PANK3: variants seen among roughly 807,000 people sequenced by gnomAD.
The protein encoded by PANK3 is hPanK3.
Under a neutral mutation model 39.4 loss-of-function variants are expected in PANK3, and 20 were observed. The ratio of observed to expected loss-of-function variants is 0.51; its 90% CI spans 0.36 to 0.74. The LOEUF (loss-of-function observed/expected upper bound fraction) is 0.74, where lower values mean the gene tolerates loss of function less well. Ranked by LOEUF, PANK3 falls within the 30% of genes least tolerant of loss-of-function variation. PANK3 has a pLI of 0.00. For missense variants in PANK3, 265 were observed against 437.0 expected (o/e 0.61, Z 3.51); for synonymous variants, 140 against 157.3 (o/e 0.89, Z 0.82).
chr5:168,571,943 A>G (rs1441304862), intron 1 of PANK3, among the ~76,000 whole-genome samples: 1 of 152,164 alleles, frequency 6.6e-6, no homozygotes, highest in Non-Finnish European at 1.5e-5. Context: ...AGTTTTTTAA[A>G]AAAGTAAAAT....
intron 1 of PANK3, among the ~76,000 whole-genome samples, chr5:168,573,959 A>C (rs1228048791): frequency 9.9e-5 from 15 of 152,090 alleles, no homozygotes; most frequent in Non-Finnish European, 1.9e-4. Context: ...GCTACTGTGA[A>C]TAATGCTGCA....
chr5:168,563,756 T>C, intron 4 of PANK3, 133 bp downstream of exon 4: 1 of 661,212 alleles, frequency 1.5e-6, no homozygotes, highest in Non-Finnish European at 2.3e-6. Context: ...ATGACATCAA[T>C]GTTCAAAACT....
Position 168,553,838 on chromosome 5 carries a change from A to T in PANK3, c.*3733T>A, listed in dbSNP as rs1759309952. 6.6e-6 allele frequency: 1 copy of T among 152,474 alleles called. No individual in the cohort carries two copies. The highest frequency in any genetic ancestry group is 1.5e-5 in the Non-Finnish European group (1 of 68,262). The allele number at this position is 152,474 out of a possible 1,614,324, so 9.4% of individuals were successfully genotyped here. A position where few individuals can be genotyped will look rare whatever the true frequency, so the allele number is the denominator to read the frequency against. ...TCACTCATCATTACAGCATCTCTGC[A>T]TTCTTGCTTTACCACATTTATCTCA... On this transcript the variant is annotated 3_prime_UTR_variant, in exon 7 of 7. Coordinates refer to ENST00000239231, the MANE Select transcript of PANK3 (RefSeq NM_024594.4).
chr5:168,572,480 G>A (rs1032563981), intron 1 of PANK3, among the ~76,000 whole-genome samples: 5 of 151,798 alleles, frequency 3.3e-5, no homozygotes, highest in Admixed American at 3.3e-4. Context: ...GTGGAGTTAG[G>A]AGCAATGTTT....
Position 168,557,561 on chromosome 5 carries a change from A to G in PANK3, c.*10T>C, listed in dbSNP as rs1759368541. 2 of 1,611,582 alleles carry G rather than the reference A, an allele frequency of 1.2e-6. No homozygotes were observed. Among genetic ancestry groups the G allele is most frequent in the Non-Finnish European group, 8.5e-7 (1 of 1,177,826 alleles). On this transcript the variant is annotated 3_prime_UTR_variant, in exon 7 of 7. Transcript: ENST00000239231. ...ATGACATTTATTAGCAGAGAGAGAGACCTGATGCTTTAGCTGAAATTTGGC... is the reference window on the plus strand; with the variant it reads ...ATGACATTTATTAGCAGAGAGAGAGGCCTGATGCTTTAGCTGAAATTTGGC...
intron 4 of PANK3, 66 bp from the exon 5 acceptor site, chr5:168,561,582 T>C (rs1759449248): frequency 7.4e-6 from 10 of 1,345,074 alleles, no homozygotes; most frequent in Non-Finnish European, 9.9e-6. Flanking sequence ...TATTAACAGA[T>C]ATATCTACAA....
chr5:168,559,009 CA>C (rs751702007), intron 6 of PANK3, 22 bp downstream of exon 6: 6 of 1,592,772 alleles, frequency 3.8e-6, no homozygotes, highest in Non-Finnish European at 5.1e-6. Context: ...TTAAAATTCA[CA>C]AAAAACATTT....
At chr5:168,567,024 G>A (rs1443595686) in intron 2 of PANK3, among the ~76,000 whole-genome samples, 2 of 152,178 alleles carry the variant, frequency 1.3e-5, no homozygotes, top group African/African-American at 2.4e-5. Context: ...AATTACAGGC[G>A]TGAGCCACTG....
rs1289705438 is a variant in PANK3, at chr5:168,566,122, G to A, written c.526C>T (p.Pro176Ser). ...ASEPERCQKMPFNLDDPYPLL... is the reference protein window; with the variant it reads ...ASEPERCQKMSFNLDDPYPLL... ...GGATAGGGATCATCCAGGTTAAAAG[G>A]CATCTTTTGGCATCGCTCAGGTTCT... Residue 176 changes from proline (P) to serine (S), a missense_variant, in exon 3 of 7, where the codon CCT becomes TCT. By Grantham distance (74) the Pro-to-Ser change is moderately conservative. Coordinates refer to ENST00000239231, the MANE Select transcript of PANK3 (RefSeq NM_024594.4). 7 of 1,613,620 alleles carry A rather than the reference G, an allele frequency of 4.3e-6. No individual in the cohort carries two copies. In the South Asian group the frequency reaches 6.6e-5, roughly 15 times the overall value.
chr5:168,563,953 C>T lies in PANK3; in HGVS notation c.748G>A (p.Val250Ile), dbSNP rs758897115. ...TAATCTCCTCCATAAATATCACGGA[C>T]CAGCTTGTCAGCTTGTGTGCTATCA... is the stretch of plus-strand genomic sequence containing the variant. ...KGDSTQADKL[V>I]RDIYGGDYER... Residue 250 changes from valine to isoleucine, a missense_variant, in exon 4 of 7, where the codon GTC becomes ATC. Val to Ile is a conservative substitution (Grantham distance 29, BLOSUM62 3). Around this residue, in one of 3 missense-constraint regions of PANK3, gnomAD observed 110 missense variants for 161.2 expected, o/e 0.68. Coordinates refer to ENST00000239231, the MANE Select transcript of PANK3 (RefSeq NM_024594.4). The T allele has an allele frequency of 1.2e-6, 2 of 1,613,010 alleles. No homozygotes were observed. Among genetic ancestry groups the T allele is most frequent in the Admixed American group, 3.3e-5 (2 of 59,828 alleles).
In PANK3 at chr5:168,556,002, C is replaced by T. The variant is rs1242956850; in HGVS notation, c.*1569G>A. 1 of 152,218 alleles carries T rather than the reference C, an allele frequency of 6.6e-6. No individual in the cohort carries two copies. The highest frequency in any genetic ancestry group is 6.5e-5 in the Admixed American group (1 of 15,286). The allele number at this position is 152,218 out of a possible 1,614,324, so 9.4% of individuals were successfully genotyped here. On this transcript the variant is annotated 3_prime_UTR_variant, in exon 7 of 7. Transcript: ENST00000239231. ...AAACTCATTCCACTATCCCTATGTA[C>T]ATAAATAACATTGCCTCTGCTGAGT... is the stretch of plus-strand genomic sequence containing the variant.
At chr5:168,563,491 C>T (rs540618357) in intron 4 of PANK3, among the ~76,000 whole-genome samples, 2 of 152,066 alleles carry the variant, frequency 1.3e-5, no homozygotes, top group Admixed American at 1.3e-4. Context: ...AATGCATTTG[C>T]AATCCAACTT....
At chr5:168,558,183 C>G (rs900740766) in intron 6 of PANK3, among the ~76,000 whole-genome samples, 1 of 140,374 alleles carries the variant, frequency 7.1e-6, no homozygotes, top group African/African-American at 2.7e-5. Flanking sequence ...TAGACAGTCT[C>G]GCTATCACCC....
intron 6 of PANK3, 120 bp from the exon 7 acceptor site, chr5:168,557,741 C>T (rs1759372262): frequency 1.3e-6 from 1 of 778,022 alleles, no homozygotes; most frequent in Non-Finnish European, 2.0e-6. Flanking sequence ...GGAAACCTAC[C>T]AATTTCTGCG....
chr5:168,568,811 A>G lies in PANK3; in HGVS notation c.216T>C (p.Asp72=), dbSNP rs531090717. Residue 72 remains aspartate (D), a synonymous_variant, in exon 2 of 7, where the codon GAT becomes GAC. Transcript: ENST00000239231. ...GIRDVHLELK[D]LTLFGRRGNL... Reference sequence around the variant, plus strand: ...TCCCTCTTCGGCCAAAAAGTGTTAAATCTTTCAGTTCAAGGTGTACATCCC... The same window carrying G: ...TCCCTCTTCGGCCAAAAAGTGTTAAGTCTTTCAGTTCAAGGTGTACATCCC... The G allele has an allele frequency of 2.5e-6, 4 of 1,613,986 alleles. No individual in the cohort carries two copies. In the African/African-American group the frequency reaches 4.0e-5, roughly 16 times the overall value.
Position 168,549,201 on chromosome 5 carries a change from C to G in PANK3, c.*8370G>C, listed in dbSNP as rs1759238201. On this transcript the variant is annotated 3_prime_UTR_variant, in exon 7 of 7. Coordinates refer to ENST00000239231, the MANE Select transcript of PANK3 (RefSeq NM_024594.4). ...TACTATTAGTTATATTCGGGGCAAGCAGACTAGGATATTGGTGTTACTTCT... is the reference window on the plus strand; with the variant it reads ...TACTATTAGTTATATTCGGGGCAAGGAGACTAGGATATTGGTGTTACTTCT... The G allele has an allele frequency of 6.6e-6, 1 of 152,098 alleles. No individual in the cohort carries two copies. Among genetic ancestry groups the G allele is most frequent in the Admixed American group, 6.5e-5 (1 of 15,268 alleles). 9.4% of individuals were successfully genotyped at this position (152,098 alleles called of 1,614,324 possible).
intron 1 of PANK3, among the ~76,000 whole-genome samples, chr5:168,576,831 T>G (rs183062562): frequency 6.6e-6 from 1 of 152,014 alleles, no homozygotes; most frequent in Non-Finnish European, 1.5e-5. Flanking sequence ...AAAACAAATA[T>G]ATCTTTTGTT....
chr5:168,567,230 G>T (rs1759550155), intron 2 of PANK3, among the ~76,000 whole-genome samples: 1 of 152,116 alleles, frequency 6.6e-6, no homozygotes, highest in African/African-American at 2.4e-5. Context: ...TATCAATCTG[G>T]CATGTGTAGC....
chr5:168,564,235 C>A (rs1759489215), intron 3 of PANK3, among the ~76,000 whole-genome samples, 170 bp from the exon 4 acceptor site: 1 of 151,952 alleles, frequency 6.6e-6, no homozygotes, highest in Non-Finnish European at 1.5e-5. Flanking sequence ...TTAGTAAAAC[C>A]AAACTTGTTA....
Sources: allele counts gnomAD v4.1 joint callset (sites outside exome capture counted in the v4.1 genomes callset), GRCh38; gene constraint gnomAD v4.1.1; regional missense constraint gnomAD v4.1.1; transcripts MANE v1.5; gene names NCBI Gene and HGNC (gene_info 2026-07-23, HGNC 2026-07-21).